Variants in HLCS observed in about 807,000 individuals in gnomAD.
HLCS encodes biotin--protein ligase.
HLCS carries 53 observed loss-of-function variants against 75.0 expected under a neutral mutation model. The observed-to-expected ratio is 0.71, with a 90% CI of 0.57 to 0.89. The LOEUF (loss-of-function observed/expected upper bound fraction) is 0.89, where lower values mean the gene tolerates loss of function less well. Ranked by LOEUF, HLCS falls within the 40% of genes least tolerant of loss-of-function variation. HLCS has a pLI of 0.00. For missense variants in HLCS, 966 were observed against 1,074.0 expected (o/e 0.90, Z 1.41); for synonymous variants, 431 against 428.6 (o/e 1.01, Z -0.07).
At chr21:36,869,375 GCCCACCTCGGCCT>G (rs1263913643) in intron 6 of HLCS, among the ~76,000 whole-genome samples, 9 of 152,116 alleles carry the variant, frequency 5.9e-5, no homozygotes, top group Non-Finnish European at 1.2e-4. Flanking sequence ...CTCGTGATCC[GCCCACCTCGGCCT>G]CCCAAAGTGC....
chr21:36,934,860 C>G (rs1016094415), intron 4 of HLCS, among the ~76,000 whole-genome samples: 1 of 152,154 alleles, frequency 6.6e-6, no homozygotes, highest in Non-Finnish European at 1.5e-5. Context: ...GTGGAGAAAA[C>G]AGTGACCCTG....
At chr21:36,785,671 T>A (rs2060665806) in intron 6 of HLCS, among the ~76,000 whole-genome samples, 1 of 152,216 alleles carries the variant, frequency 6.6e-6, no homozygotes, top group African/African-American at 2.4e-5. Flanking sequence ...CCAGTTGGCT[T>A]CCGTGTCCAC....
At chr21:36,860,938 A>C (rs2063362454) in intron 6 of HLCS, among the ~76,000 whole-genome samples, 1 of 152,280 alleles carries the variant, frequency 6.6e-6, no homozygotes, top group Non-Finnish European at 1.5e-5. Flanking sequence ...ATTTTTACAG[A>C]GAGCTTCAAT....
chr21:36,958,526 C>T (rs750895340), intron 2 of HLCS, among the ~76,000 whole-genome samples: 6 of 152,174 alleles, frequency 3.9e-5, no homozygotes, highest in South Asian at 2.1e-4. Context: ...CAGTGGCTCA[C>T]GCCTGTAATC....
chr21:36,872,518 A>G, intron 6 of HLCS, among the ~76,000 whole-genome samples: 1 of 152,114 alleles, frequency 6.6e-6, no homozygotes, highest in Non-Finnish European at 1.5e-5. Flanking sequence ...CACCACCGCC[A>G]ATCCCAGAAA....
chr21:36,972,078 G>A (rs1397883018), intron 1 of HLCS: 1 of 152,076 alleles, frequency 6.6e-6, no homozygotes, highest in South Asian at 2.1e-4. Context: ...ACAGAGTCGC[G>A]GGAGAGAACC....
At chr21:36,764,658 T>C (rs1019608159) in intron 8 of HLCS, among the ~76,000 whole-genome samples, 7 of 152,296 alleles carry the variant, frequency 4.6e-5, no homozygotes, top group Admixed American at 1.3e-4. Flanking sequence ...TGAGCCGAGA[T>C]AGTGCCACTG....
chr21:36,756,248 C>A (rs759023905), intron 10 of HLCS, among the ~76,000 whole-genome samples: 1 of 148,644 alleles, frequency 6.7e-6, no homozygotes, highest in Admixed American at 6.6e-5. Context: ...ACCATCCTGG[C>A]TAACACGGTG....
At chr21:36,872,663 A>G (rs2063813384) in intron 6 of HLCS, among the ~76,000 whole-genome samples, 1 of 152,236 alleles carries the variant, frequency 6.6e-6, no homozygotes, top group Admixed American at 6.5e-5. Flanking sequence ...AGATTCGTGC[A>G]AGCTCATTCC....
chr21:36,770,996 G>C (rs1214928343), intron 6 of HLCS, among the ~76,000 whole-genome samples: 1 of 152,090 alleles, frequency 6.6e-6, no homozygotes, highest in Non-Finnish European at 1.5e-5. Context: ...GAGGCAGGCG[G>C]ATCACGAGGT....
intron 6 of HLCS, among the ~76,000 whole-genome samples, chr21:36,809,498 A>T (rs2061450152): frequency 6.6e-6 from 1 of 152,028 alleles, no homozygotes; most frequent in South Asian, 2.1e-4. Flanking sequence ...GAATTCTGAA[A>T]TTTTTTAGCT....
At position 36,754,283 on chromosome 21, in the gene HLCS, T is replaced by C. The variant is rs752737867; in HGVS notation, c.2585A>G (p.Asp862Gly). Residue 862 changes from aspartate (D) to glycine (G), a missense_variant, in exon 11 of 11, where the codon GAC becomes GGC. Asp to Gly is a moderately conservative substitution (Grantham distance 94). Transcript: ENST00000674895. ...VTVHPDGNSF[D>G]MLRNLILPKR... ...GGGGAGGATGAGGTTTCTCAGCATG[T>C]CGAAGGAGTTGCCGTCCGGGTGCAC... The C allele has an allele frequency of 6.2e-7, 1 of 1,614,088 alleles. No homozygotes were observed. Among genetic ancestry groups the C allele is most frequent in the East Asian group, 2.2e-5 (1 of 44,878 alleles).
At chr21:36,961,619 A>T (rs2068294008) in intron 2 of HLCS, among the ~76,000 whole-genome samples, 1 of 152,148 alleles carries the variant, frequency 6.6e-6, no homozygotes, top group South Asian at 2.1e-4. Flanking sequence ...ATATCCAAAG[A>T]GAAAGGGAGC....
chr21:36,867,283 G>A (rs34592171), intron 6 of HLCS, among the ~76,000 whole-genome samples: 29,689 of 152,154 alleles, frequency 0.2, 3,084 homozygotes, highest in Middle Eastern at 0.3. Context: ...TAAACAAAGC[G>A]TAGCATGCTC....
At chr21:36,882,625 T>C (rs913999374) in intron 6 of HLCS, among the ~76,000 whole-genome samples, 10 of 146,942 alleles carry the variant, frequency 6.8e-5, no homozygotes, top group African/African-American at 1.2e-4. Context: ...TCTTTCTTTT[T>C]TTTTTTTTTT....
intron 1 of HLCS, among the ~76,000 whole-genome samples, chr21:36,987,881 C>A (rs1211902743): frequency 6.6e-6 from 1 of 152,126 alleles, no homozygotes; most frequent in African/African-American, 2.4e-5. Context: ...AGATCACTAC[C>A]AACTAAGTGA....
intron 6 of HLCS, among the ~76,000 whole-genome samples, chr21:36,812,146 G>A (rs754877911): frequency 1.3e-5 from 2 of 152,174 alleles, no homozygotes; most frequent in African/African-American, 2.4e-5. Context: ...TCTACAAAGC[G>A]AGAGGCTTGA....
chr21:36,836,324 T>A (rs1047488044), intron 6 of HLCS, among the ~76,000 whole-genome samples: 6 of 152,086 alleles, frequency 3.9e-5, no homozygotes, highest in African/African-American at 1.4e-4. Flanking sequence ...AATTTTTTTT[T>A]ATTATACTTT....
intron 10 of HLCS, among the ~76,000 whole-genome samples, chr21:36,756,243 C>G (rs572665044): frequency 2.1e-4 from 32 of 149,308 alleles, no homozygotes; most frequent in African/African-American, 8.0e-4. Context: ...TCGAGACCAT[C>G]CTGGCTAACA....
Sources: gnomAD v4.1 joint callset for allele counts (sites outside exome capture counted in the v4.1 genomes callset) on GRCh38, gnomAD v4.1.1 for gene constraint, MANE v1.5 for transcripts, NCBI Gene and HGNC (gene_info 2026-07-23, HGNC 2026-07-21) for gene names.